The following SLC6A5 variants were observed in gnomAD, a reference collection of about 807,000 sequenced individuals.
SLC6A5 encodes the protein solute carrier family 6 member 5.
SLC6A5 carries 58 observed loss-of-function variants against 90.5 expected under a neutral mutation model. The ratio of observed to expected loss-of-function variants is 0.64; its 90% confidence interval spans 0.52 to 0.80. The LOEUF is 0.80. SLC6A5 is among the 30% of genes least tolerant of loss of function. The pLI, the probability that SLC6A5 is intolerant of heterozygous loss-of-function variation, is 0.00. For missense variants in SLC6A5, 1,015 were observed against 1,017.6 expected, an observed-to-expected ratio of 1.00 and a Z score of 0.03; for synonymous variants, 427 against 401.4, an observed-to-expected ratio of 1.06 and a Z score of -0.76.
chr11:20,618,523 A>G (rs1342070063), intron 7 of SLC6A5, among the ~76,000 whole-genome samples: 1 of 151,920 alleles, frequency 6.6e-6, no homozygotes, highest in Non-Finnish European at 1.5e-5. Context: ...AGATGGTGAA[A>G]CTCCCACCCA....
chr11:20,607,381 A>G, intron 4 of SLC6A5, 98 bp from the exon 5 acceptor site: 6 of 1,389,112 alleles, frequency 4.3e-6, no homozygotes, highest in South Asian at 1.2e-5. Context: ...TCCATTCTGT[A>G]CAAGAGAGCC....
chr11:20,599,698 T>C, intron 1 of SLC6A5, 23 bp downstream of exon 1: 1 of 1,614,042 alleles, frequency 6.2e-7, no homozygotes, highest in Non-Finnish European at 8.5e-7. Flanking sequence ...TTTTGTTCTT[T>C]CAAGAGGAAA....
chr11:20,602,405 A>G (rs981917090), intron 2 of SLC6A5, among the ~76,000 whole-genome samples: 1 of 152,246 alleles, frequency 6.6e-6, no homozygotes, highest in African/African-American at 2.4e-5. Flanking sequence ...TCCTTGGGTT[A>G]TGAATAAAGG....
Position 20,604,437 on chromosome 11 carries a change from C to G in SLC6A5, c.679+13C>G. 3 of 1,612,514 alleles carry G rather than the reference C, an allele frequency of 1.9e-6. No individual in the cohort carries two copies. Among genetic ancestry groups the G allele is most frequent in the Non-Finnish European group, 2.5e-6 (3 of 1,179,490 alleles). ...CAGAACGGGGGAGGTATGGCTTTTCCGCTCTTTCCGCCTGCGGCGGGGCGG... is the reference window on the plus strand; with the variant it reads ...CAGAACGGGGGAGGTATGGCTTTTCGGCTCTTTCCGCCTGCGGCGGGGCGG... On this transcript the variant is annotated intron_variant, in intron 3 of 15. Coordinates refer to ENST00000525748, the MANE Select transcript of SLC6A5 (RefSeq NM_004211.5).
intron 5 of SLC6A5, among the ~76,000 whole-genome samples, chr11:20,613,947 C>T (rs1036194890): frequency 2.6e-5 from 4 of 152,070 alleles, no homozygotes; most frequent in Non-Finnish European, 4.4e-5. Context: ...GGTATGACAA[C>T]TAAAAATGCC....
rs567209213 is a variant in SLC6A5, at chr11:20,604,494, G to T, written c.679+70G>T. ...CACCTGAGGGTTGGGTGGGACAGGA[G>T]CCCTCAGGCAGGGCCGCCGGGCGGG... On this transcript the variant is annotated intron_variant, in intron 3 of 15. Transcript: ENST00000525748. 1.9e-6 allele frequency: 3 copies of T among 1,577,918 alleles called. No individual in the cohort carries two copies. In the South Asian group the frequency reaches 3.5e-5, roughly 18 times the overall value.
At position 20,640,970 on chromosome 11, in the gene SLC6A5, C is replaced by T. The variant is rs553642440; in HGVS notation, c.1969+2412C>T. 2.6e-5 allele frequency among the ~76,000 whole-genome samples: 4 copies of T among 152,270 alleles called. No individual in the cohort carries two copies. In the East Asian group the frequency reaches 5.8e-4, roughly 22 times the overall value. On this transcript the variant is annotated intron_variant, in intron 13 of 15. Coordinates refer to ENST00000525748, the MANE Select transcript of SLC6A5 (RefSeq NM_004211.5). ...TAGATTCTAGAGGATATCATCCAAA[C>T]ATTTGAAATATGGTAGGGACAATTT...
At chr11:20,606,850 T>G in intron 3 of SLC6A5, among the ~76,000 whole-genome samples, 157 bp from the exon 4 acceptor site, 1 of 152,340 alleles carries the variant, frequency 6.6e-6, no homozygotes, top group African/African-American at 2.4e-5. Context: ...TGTGGGTGAC[T>G]GTTGCTGAAA....
At chr11:20,600,345 GAAGAA>G (rs1852437709) in intron 1 of SLC6A5, among the ~76,000 whole-genome samples, 1 of 71,346 alleles carries the variant, frequency 1.4e-5, no homozygotes, top group African/African-American at 5.3e-5. Context: ...GGAAGAAGAA[GAAGAA>G]GAAGAAGAAG....
At chr11:20,608,519 G>T (rs1852626229) in intron 5 of SLC6A5, among the ~76,000 whole-genome samples, 1 of 152,222 alleles carries the variant, frequency 6.6e-6, no homozygotes, top group Admixed American at 6.5e-5. Context: ...CTACCTTGTG[G>T]GGATTGCTGT....
At position 20,601,234 on chromosome 11, in the gene SLC6A5, G is replaced by A; in HGVS notation, c.109G>A (p.Glu37Lys). ...DGPCAPRTSPEQELPAAAAPP... is the reference protein window; with the variant it reads ...DGPCAPRTSPKQELPAAAAPP... ...CCCATGCGCTCCCAGGACGAGCCCG[G>A]AGCAGGAGCTTCCCGCGGCTGCCGC... Residue 37 changes from glutamate (E) to lysine (K), a missense_variant, in exon 2 of 16, where the codon GAG (glutamate) becomes AAG (lysine). By Grantham distance (56) the Glu-to-Lys change is moderately conservative (BLOSUM62 1). Coordinates refer to ENST00000525748, the MANE Select transcript of SLC6A5 (RefSeq NM_004211.5). The A allele has an allele frequency of 6.3e-7, 1 of 1,582,920 alleles. No individual in the cohort carries two copies. The highest frequency in any genetic ancestry group is 1.3e-5 in the African/African-American group (1 of 74,786).
chr11:20,634,607 T>C (rs1445915980), intron 10 of SLC6A5, among the ~76,000 whole-genome samples: 2 of 152,364 alleles, frequency 1.3e-5, no homozygotes, highest in East Asian at 3.9e-4. Context: ...ATTTGAGACC[T>C]ATTTTGAACT....
At chr11:20,626,922 T>A in intron 8 of SLC6A5, 80 bp downstream of exon 8, 1 of 1,138,186 alleles carries the variant, frequency 8.8e-7, no homozygotes, top group Non-Finnish European at 1.3e-6. Context: ...TTAGACTTCC[T>A]CCTCCAGGGA....
Position 20,646,824 on chromosome 11 carries a change from C to A in SLC6A5, c.1970-10C>A. On this transcript the variant is annotated splice_polypyrimidine_tract_variant and intron_variant, in intron 13 of 15. Transcript: ENST00000525748. The stretch of plus-strand genomic sequence containing the variant: ...TGCCTTATACCTGTTCTCTGCTTGT[C>A]TATTTGCAGGCTTGCAAAGATTCTG... 1 of 1,590,784 alleles carries A rather than the reference C, an allele frequency of 6.3e-7. No homozygotes were observed. The highest frequency in any genetic ancestry group is 1.7e-5 in the Admixed American group (1 of 59,964).
intron 13 of SLC6A5, 110 bp from the exon 14 acceptor site, chr11:20,646,724 G>C (rs1288801667): frequency 3.9e-6 from 3 of 765,164 alleles, no homozygotes; most frequent in Non-Finnish European, 7.1e-6. Flanking sequence ...CAGGGCTGGG[G>C]CCAGCCCTAG....
intron 2 of SLC6A5, among the ~76,000 whole-genome samples, chr11:20,602,729 A>G (rs1021460505): frequency 1.3e-5 from 2 of 152,194 alleles, no homozygotes; most frequent in Admixed American, 1.3e-4. Flanking sequence ...ACACTTATCC[A>G]CAGGCCCACA....
In SLC6A5 at chr11:20,655,241, G is replaced by T. The variant is rs945019194; in HGVS notation, c.*373G>T. On this transcript the variant is annotated 3_prime_UTR_variant, in exon 16 of 16. Coordinates refer to ENST00000525748, the MANE Select transcript of SLC6A5 (RefSeq NM_004211.5). ...GGGGTGCCAGTAAGGCATGTATAGAGTGGCCGAATTACAAGACTTTATTTG... is the reference window on the plus strand; with the variant it reads ...GGGGTGCCAGTAAGGCATGTATAGATTGGCCGAATTACAAGACTTTATTTG... The T allele has an allele frequency of 2.7e-5, 9 of 335,148 alleles. No individual in the cohort carries two copies. The highest frequency in any genetic ancestry group is 8.5e-5 in the African/African-American group (4 of 46,802). 20.8% of individuals were successfully genotyped at this position (335,148 alleles called of 1,614,324 possible).
chr11:20,610,268 G>C (rs757712935), intron 5 of SLC6A5, among the ~76,000 whole-genome samples: 4 of 151,704 alleles, frequency 2.6e-5, no homozygotes, highest in Non-Finnish European at 5.9e-5. Context: ...GGACCCGAAG[G>C]CTCCGGGCGC....
At chr11:20,608,952 C>CTG (rs1565273615) in intron 5 of SLC6A5, among the ~76,000 whole-genome samples, 1 of 94,332 alleles carries the variant, frequency 1.1e-5, no homozygotes, top group Non-Finnish European at 2.3e-5. Context: ...CTCTCTCTCT[C>CTG]TCTCTCTGTG....
Sources: allele counts gnomAD v4.1 joint callset (sites outside exome capture counted in the v4.1 genomes callset), GRCh38; gene constraint gnomAD v4.1.1; transcripts MANE v1.5; gene names NCBI Gene and HGNC (gene_info 2026-07-23, HGNC 2026-07-21).